Variants in WNT5B observed in about 807,000 individuals in gnomAD.
The protein encoded by WNT5B is protein Wnt-5b.
Under a neutral mutation model 36.5 loss-of-function variants are expected in WNT5B, and 18 were observed. The observed-to-expected ratio is 0.49, with a 90% confidence interval of 0.34 to 0.73. The LOEUF (loss-of-function observed/expected upper bound fraction) is 0.73. Ranked by LOEUF, WNT5B falls within the 30% of genes least tolerant of loss-of-function variation. The pLI is 0.01. For missense variants in WNT5B, 424 were observed against 508.4 expected (o/e 0.83, Z 1.60); for synonymous variants, 213 against 212.3 (o/e 1.00, Z -0.03).
intron 4 of WNT5B, among the ~76,000 whole-genome samples, chr12:1,641,210 C>A (rs893678016): frequency 2.6e-5 from 4 of 151,966 alleles, no homozygotes; most frequent in African/African-American, 7.3e-5. Flanking sequence ...CATGGTGAAA[C>A]CCTGTCTCTA....
chr12:1,634,290 G>A (rs972942428), intron 3 of WNT5B, among the ~76,000 whole-genome samples: 9 of 152,160 alleles, frequency 5.9e-5, no homozygotes, highest in African/African-American at 1.9e-4. Context: ...AATCTTGGCA[G>A]CACTTCCTGC....
chr12:1,623,205 TTTTTTTTTGA>T, intron 1 of WNT5B, among the ~76,000 whole-genome samples: 1 of 127,220 alleles, frequency 7.9e-6, no homozygotes, highest in African/African-American at 3.0e-5. Context: ...TTTTTTTTTT[TTTTTTTTTGA>T]GACGGAGTCT....
At chr12:1,626,531 G>A (rs1045982005), upstream of WNT5B, among the ~76,000 whole-genome samples, 1 of 151,384 alleles carries the variant, frequency 6.6e-6, no homozygotes, top group African/African-American at 2.4e-5. Context: ...GCAAAGTGCT[G>A]GGATTACAGG....
intron 3 of WNT5B, among the ~76,000 whole-genome samples, chr12:1,635,775 G>C (rs760791358): frequency 6.6e-6 from 1 of 152,238 alleles, no homozygotes; most frequent in Non-Finnish European, 1.5e-5. Flanking sequence ...AGTGCTCCTT[G>C]TCACATTCTG....
rs566299101 is a variant in WNT5B at position 1,618,176 on chromosome 12, T to C, written c.-58+1033T>C. 6.6e-6 allele frequency among the ~76,000 whole-genome samples: 1 copy of C among 152,286 alleles called. No homozygotes were observed. Among genetic ancestry groups the C allele is most frequent in the South Asian group, 2.1e-4 (1 of 4,828 alleles). ...AGACAGCTAGCTGACTGCCAGTTGG[T>C]GATCCTGGTTTTAAAAGTTGCATGG... On this transcript the variant is annotated intron_variant, in intron 1 of 4. Transcript: ENST00000310594. The surrounding 1 kb of genome is among the most constrained non-coding windows in gnomAD (Gnocchi z 4.1).
chr12:1,639,618 G>C, intron 3 of WNT5B, 66 bp from the exon 4 acceptor site: 4 of 1,420,572 alleles, frequency 2.8e-6, no homozygotes, highest in Non-Finnish European at 3.7e-6. Flanking sequence ...CGGGGGAGAC[G>C]GGGGGAAGGA....
chr12:1,620,029 A>G (rs1159088585), intron 1 of WNT5B, among the ~76,000 whole-genome samples: 2 of 152,272 alleles, frequency 1.3e-5, no homozygotes, highest in African/African-American at 4.8e-5. Context: ...TTAGGTATTA[A>G]TATGACTTTT....
At position 1,632,396 on chromosome 12, in the gene WNT5B, T is replaced by C. The variant is rs112432355; in HGVS notation, c.81-262T>C. Among the ~76,000 whole-genome samples the C allele has an allele frequency of 1.5e-3, 232 of 152,330 alleles. 1 individual carries two copies. The highest frequency in any genetic ancestry group is 5.1e-3 in the African/African-American group (213 of 41,562). ...TTCTCTTCAGCCATAAGGGCTATTTTCCTATCTGATCACAGCAGATCCAGA... is the reference window on the plus strand; with the variant it reads ...TTCTCTTCAGCCATAAGGGCTATTTCCCTATCTGATCACAGCAGATCCAGA... On this transcript the variant is annotated intron_variant, in intron 2 of 4. Coordinates refer to ENST00000397196, the MANE Select transcript of WNT5B (RefSeq NM_032642.3). The surrounding 1 kb of genome is among the most constrained non-coding windows in gnomAD (Gnocchi z 5.8).
intron 4 of WNT5B, among the ~76,000 whole-genome samples, chr12:1,642,099 A>G (rs113121584): frequency 0.038 from 5,815 of 152,182 alleles, 155 homozygotes; most frequent in South Asian, 0.1. Flanking sequence ...AGTTCTGGCA[A>G]TTGCTGATCT....
Position 1,645,899 on chromosome 12 carries a change from G to C in WNT5B, c.727G>C (p.Asp243His). The C allele has an allele frequency of 6.2e-7, 1 of 1,611,342 alleles. No individual in the cohort carries two copies. Among genetic ancestry groups the C allele is most frequent in the Non-Finnish European group, 8.5e-7 (1 of 1,179,840 alleles). Residue 243 changes from aspartate to histidine, a missense_variant, in exon 5 of 5, where the codon GAC becomes CAC. Physicochemically the swap from Asp to His is moderately conservative, Grantham distance 81 (BLOSUM62 -1). Coordinates refer to ENST00000397196, the MANE Select transcript of WNT5B (RefSeq NM_032642.3). Reference sequence around the variant, plus strand: ...GCTGGCCGAGTTCCGCAAGGTCGGGGACCGGCTGAAGGAGAAGTACGACAG... The same window carrying C: ...GCTGGCCGAGTTCCGCAAGGTCGGGCACCGGCTGAAGGAGAAGTACGACAG... ...LQLAEFRKVG[D>H]RLKEKYDSAA...
Position 1,645,792 on chromosome 12 carries a change from A to G in WNT5B, c.622-2A>G, listed in dbSNP as rs1481616411. ...CTTACTGCCTTCTTTCTCTTCCCCT[A>G]GGCTGTGTATAAGATGGCAGACGTA... On this transcript the variant is annotated splice_acceptor_variant, in intron 4 of 4. Transcript: ENST00000397196. LOFTEE classifies it high-confidence loss of function. The G allele has an allele frequency of 1.3e-6, 2 of 1,569,756 alleles. No individual in the cohort carries two copies. Among genetic ancestry groups the G allele is most frequent in the East Asian group, 4.5e-5 (2 of 44,394 alleles).
At chr12:1,626,953 T>C (rs1229744129), upstream of WNT5B, among the ~76,000 whole-genome samples, 1 of 152,116 alleles carries the variant, frequency 6.6e-6, no homozygotes, top group Non-Finnish European at 1.5e-5. Flanking sequence ...TCAACAAATA[T>C]TTTTCTAGCA....
At chr12:1,641,771 G>A (rs568445065) in intron 4 of WNT5B, among the ~76,000 whole-genome samples, 3 of 152,138 alleles carry the variant, frequency 2.0e-5, no homozygotes, top group African/African-American at 7.2e-5. Flanking sequence ...ACTCCAGCCT[G>A]GGCAACAGAG....
chr12:1,632,586 T>C lies in WNT5B; in HGVS notation c.81-72T>C, dbSNP rs949702514. ...GCATTCAATAAATGTGTTGAATGAA[T>C]GACTTAATGCTGCACACAGGCGTAT... On this transcript the variant is annotated intron_variant, in intron 2 of 4. Coordinates refer to ENST00000397196, the MANE Select transcript of WNT5B (RefSeq NM_032642.3). The surrounding 1 kb of genome is among the most constrained non-coding windows in gnomAD (Gnocchi z 5.8). 42 of 1,515,636 alleles carry C rather than the reference T, an allele frequency of 2.8e-5. No homozygotes were observed. Among genetic ancestry groups the C allele is most frequent in the Non-Finnish European group, 3.6e-5 (41 of 1,127,518 alleles). 93.9% of individuals were successfully genotyped at this position (1,515,636 alleles called of 1,614,324 possible).
intron 1 of WNT5B, among the ~76,000 whole-genome samples, chr12:1,623,341 G>A (rs556515361): frequency 7.3e-5 from 11 of 150,236 alleles, no homozygotes; most frequent in East Asian, 3.9e-4. Flanking sequence ...GACTACAGGC[G>A]CCCACCACCA....
At chr12:1,622,765 C>T (rs2094535616) in intron 1 of WNT5B, among the ~76,000 whole-genome samples, 1 of 152,146 alleles carries the variant, frequency 6.6e-6, no homozygotes, top group African/African-American at 2.4e-5. Flanking sequence ...AGACCGTTTC[C>T]AGAGCATATG....
At chr12:1,624,332 C>T (rs1179236181), upstream of WNT5B, among the ~76,000 whole-genome samples, 1 of 136,534 alleles carries the variant, frequency 7.3e-6, no homozygotes, top group East Asian at 2.2e-4. Flanking sequence ...TTGCAGTGAG[C>T]TGAGATCATG....
rs1190213899 is a variant in WNT5B, at chr12:1,639,664, G to GC, written c.329-17dup. The GC allele has an allele frequency of 1.3e-6, 2 of 1,507,076 alleles. No homozygotes were observed. The highest frequency in any genetic ancestry group is 1.8e-6 in the Non-Finnish European group (2 of 1,137,946). The allele number at this position is 1,507,076 out of a possible 1,614,324, so 93.4% of individuals were successfully genotyped here. The stretch of plus-strand genomic sequence containing the variant: ...GGAGAGGAGAGCGCACCCGCTTACC[G>GC]CCCTGGCCTCATTCTGCAGGCAGCC... On this transcript the variant is annotated intron_variant, in intron 3 of 4. Coordinates refer to ENST00000397196, the MANE Select transcript of WNT5B (RefSeq NM_032642.3).
intron 3 of WNT5B, among the ~76,000 whole-genome samples, chr12:1,639,298 C>T (rs6489309): frequency 0.6 from 90,604 of 149,832 alleles, 28,155 homozygotes; most frequent in South Asian, 0.7. Flanking sequence ...CCACCACGCC[C>T]GGCTAATTTT....
Sources: gnomAD v4.1 joint callset for allele counts (sites outside exome capture counted in the v4.1 genomes callset) on GRCh38, gnomAD v4.1.1 for gene constraint, Gnocchi (gnomAD v3.1) non-coding constraint, MANE v1.5 for transcripts, NCBI Gene and HGNC (gene_info 2026-07-23, HGNC 2026-07-21) for gene names.